The following SLC36A1 variants were observed in gnomAD, a reference collection of about 807,000 sequenced individuals.
The protein encoded by SLC36A1 is proton-coupled amino acid transporter 1.
Under a neutral mutation model 47.5 loss-of-function variants are expected in SLC36A1, and 30 were observed. That is an observed-to-expected ratio of 0.63 (90% confidence interval 0.47 to 0.86). The LOEUF (loss-of-function observed/expected upper bound fraction) is 0.86. Ranked by LOEUF, SLC36A1 falls within the 40% of genes least tolerant of loss-of-function variation. The probability of loss-of-function intolerance (pLI) is 0.00; values close to 1 mark genes in which losing one functional copy is unlikely to be tolerated. For synonymous variants in SLC36A1, 255 were observed against 249.7 expected (o/e 1.02, Z -0.20); for missense variants, 517 against 606.0 (o/e 0.85, Z 1.54).
chr5:151,518,374 A>T, the SLC36A1 span, among the ~76,000 whole-genome samples: 49,537 of 147,136 alleles, frequency 0.34, 9,791 homozygotes, highest in East Asian at 0.66. Context: ...TAATAATAAT[A>T]ATTTTTAAAA....
intron 1 of SLC36A1, among the ~76,000 whole-genome samples, chr5:151,452,869 CAAA>C (rs543863050): frequency 1.9e-5 from 2 of 107,134 alleles, no homozygotes. Flanking sequence ...GACACCATCT[CAAA>C]AAAAAAAAAA....
chr5:151,396,897 A>G, the SLC36A1 span, among the ~76,000 whole-genome samples: 2 of 152,324 alleles, frequency 1.3e-5, no homozygotes, highest in African/African-American at 4.8e-5. Flanking sequence ...AGGAACATGA[A>G]CTTGGACCCA....
rs113704827 is a variant in SLC36A1 at position 151,460,649 on chromosome 5, C to T, written c.143+1714C>T. On this transcript the variant is annotated intron_variant, in intron 2 of 10. Coordinates refer to ENST00000243389, the MANE Select transcript of SLC36A1 (RefSeq NM_078483.4). ...GCTTAGAGGACTGGTTGAGTACTTCCAGCCTGGGGCATAGGATCCACGCAA... is the reference window on the plus strand; with the variant it reads ...GCTTAGAGGACTGGTTGAGTACTTCTAGCCTGGGGCATAGGATCCACGCAA... Among the ~76,000 whole-genome samples, 13 of 152,052 alleles carry T rather than the reference C, an allele frequency of 8.5e-5. 1 individual carries two copies. Among genetic ancestry groups the T allele is most frequent in the African/African-American group, 3.1e-4 (13 of 41,464 alleles).
chr5:151,458,733 A>G lies in SLC36A1; in HGVS notation c.-5-55A>G, dbSNP rs912206405. The stretch of plus-strand genomic sequence containing the variant: ...TTCTACCCCAGAGGCCACCCCAAAT[A>G]TGGAGCTAAAGGCTCCAGCTGCAGG... On this transcript the variant is annotated intron_variant, in intron 1 of 10. Coordinates refer to ENST00000243389, the MANE Select transcript of SLC36A1 (RefSeq NM_078483.4). 4.4e-6 allele frequency: 7 copies of G among 1,575,862 alleles called. No individual in the cohort carries two copies. The African/African-American group carries it at 8.1e-5, about 18-fold the overall frequency.
intron 10 of SLC36A1, chr5:151,480,120 A>G (rs910020634): frequency 2.0e-6 from 3 of 1,473,092 alleles, no homozygotes; most frequent in Non-Finnish European, 2.7e-6. Flanking sequence ...TGACATTTAG[A>G]AAATAAAAGT....
chr5:151,454,710 CT>C (rs34814099), intron 1 of SLC36A1, among the ~76,000 whole-genome samples: 41 of 107,922 alleles, frequency 3.8e-4, no homozygotes, highest in South Asian at 1.3e-3. Flanking sequence ...CATGTGACAG[CT>C]TTTTTTTTTT....
downstream of SLC36A1, chr5:151,492,513 A>C (rs183302906): frequency 6.6e-6 from 1 of 151,514 alleles, no homozygotes; most frequent in African/African-American, 2.4e-5. Context: ...AGACCCATCC[A>C]TGGAATTAAG....
At chr5:151,506,982 G>T in the SLC36A1 span, among the ~76,000 whole-genome samples, 1 of 152,212 alleles carries the variant, frequency 6.6e-6, no homozygotes, top group Non-Finnish European at 1.5e-5. Context: ...CAGAAACCTG[G>T]TATCTGCTCC....
downstream of SLC36A1, among the ~76,000 whole-genome samples, chr5:151,495,085 G>A (rs927446591): frequency 5.9e-5 from 9 of 152,186 alleles, no homozygotes; most frequent in Non-Finnish European, 7.4e-5. Context: ...CAAAGTGGCC[G>A]TTCCTTGTTG....
chr5:151,530,954 G>C, the SLC36A1 span, among the ~76,000 whole-genome samples: 1 of 152,184 alleles, frequency 6.6e-6, no homozygotes, highest in African/African-American at 2.4e-5. Context: ...AGCTGTTTGG[G>C]GAGGTAGAGA....
chr5:151,433,256 ATATATATATATTTTTTTTTTTTTTTTTTT>A (rs1405622066), upstream of SLC36A1, among the ~76,000 whole-genome samples: 14 of 15,698 alleles, frequency 8.9e-4, no homozygotes, highest in African/African-American at 2.7e-3. Flanking sequence ...ATATATATAT[ATATATATATATTTTTTTTTTTTTTTTTTT>A]TTTTTTTTTT....
At chr5:151,510,885 C>CA in the SLC36A1 span, 6 of 152,302 alleles carry the variant, frequency 3.9e-5, no homozygotes, top group Non-Finnish European at 7.3e-5. Flanking sequence ...GGAACTCAAA[C>CA]CACACCAGGG....
chr5:151,432,619 A>C (rs1386511446), upstream of SLC36A1, among the ~76,000 whole-genome samples: 2 of 152,324 alleles, frequency 1.3e-5, no homozygotes, highest in East Asian at 3.9e-4. Context: ...GTCTCAAGTC[A>C]GTTGACCTTA....
chr5:151,405,343 C>CTTTT, the SLC36A1 span, among the ~76,000 whole-genome samples: 517 of 85,264 alleles, frequency 6.1e-3, 20 homozygotes, highest in East Asian at 0.075. Flanking sequence ...CTCTCTTTCT[C>CTTTT]TTTTTTTTTT....
At chr5:151,511,921 G>T in the SLC36A1 span, 6 of 545,586 alleles carry the variant, frequency 1.1e-5, no homozygotes, top group Non-Finnish European at 2.0e-5. Context: ...TGCCCCTGAG[G>T]TCCCCATTCA....
At chr5:151,497,769 A>G in the SLC36A1 span, among the ~76,000 whole-genome samples, 1 of 152,044 alleles carries the variant, frequency 6.6e-6, no homozygotes, top group Non-Finnish European at 1.5e-5. Flanking sequence ...GCCTCTGCCC[A>G]CTAGATGTCA....
At chr5:151,380,950 T>G in the SLC36A1 span, 1 of 395,766 alleles carries the variant, frequency 2.5e-6, no homozygotes, top group Non-Finnish European at 5.1e-6. Context: ...TGTTAGCTAA[T>G]TTGGTTGTGT....
the SLC36A1 span, among the ~76,000 whole-genome samples, chr5:151,352,533 G>A: frequency 2.7e-5 from 4 of 148,202 alleles, no homozygotes; most frequent in East Asian, 7.7e-4. Flanking sequence ...ACACAAATTT[G>A]TTCTTACAGT....
the SLC36A1 span, among the ~76,000 whole-genome samples, chr5:151,354,898 A>C: frequency 6.6e-6 from 1 of 152,170 alleles, no homozygotes; most frequent in Admixed American, 6.5e-5. Context: ...AAAATCAGAG[A>C]ATAATTACCA....
Sources: gnomAD v4.1 joint callset for allele counts (sites outside exome capture counted in the v4.1 genomes callset) on GRCh38, gnomAD v4.1.1 for gene constraint, MANE v1.5 for transcripts, NCBI Gene and HGNC (gene_info 2026-07-23, HGNC 2026-07-21) for gene names.